The following GPR158 variants were observed in gnomAD, a reference collection of about 807,000 sequenced individuals.
The protein encoded by GPR158 is G protein-coupled receptor 158.
A neutral mutation model predicts 78.2 loss-of-function variants in GPR158; 30 were observed. That is an observed-to-expected ratio of 0.38 (90% CI 0.29 to 0.52). GPR158 has a LOEUF of 0.52. Ranked by LOEUF, GPR158 falls within the 20% of genes least tolerant of loss-of-function variation. The pLI is 0.83. For synonymous variants in GPR158, 581 were observed against 591.1 expected, an observed-to-expected ratio of 0.98 and a Z score of 0.25; for missense variants, 1,463 against 1,523.5, an observed-to-expected ratio of 0.96 and a Z score of 0.66.
chr10:25,405,497 C>CATTTTT (rs1834500267), intron 3 of GPR158, among the ~76,000 whole-genome samples: 1 of 46,180 alleles, frequency 2.2e-5, no homozygotes, highest in African/African-American at 7.6e-5. Flanking sequence ...GAAACAATTT[C>CATTTTT]CTTTTTTTTT....
At chr10:25,352,159 A>G (rs1855484293) in intron 2 of GPR158, among the ~76,000 whole-genome samples, 1 of 152,076 alleles carries the variant, frequency 6.6e-6, no homozygotes, top group African/African-American at 2.4e-5. Flanking sequence ...CCCTATGGCC[A>G]GCATTTGTGA....
intron 2 of GPR158, among the ~76,000 whole-genome samples, chr10:25,328,884 G>A (rs959294439): frequency 1.3e-4 from 16 of 126,198 alleles, no homozygotes; most frequent in Admixed American, 8.5e-4. Context: ...ATGAGATTGC[G>A]CCATTGTGCT....
At chr10:25,241,357 TTTCTC>T (rs1853621969) in intron 2 of GPR158, among the ~76,000 whole-genome samples, 1 of 126,660 alleles carries the variant, frequency 7.9e-6, no homozygotes, top group Non-Finnish European at 1.6e-5. Context: ...TCTCTTTTCT[TTTCTC>T]TTTTCTTTTC....
rs768658587 is a variant in GPR158 at position 25,176,344 on chromosome 10, G to T, written c.902+22G>T. 6.5e-7 allele frequency: 1 copy of T among 1,531,858 alleles called. No homozygotes were observed. The highest frequency in any genetic ancestry group is 8.8e-7 in the Non-Finnish European group (1 of 1,137,254). 94.9% of individuals were successfully genotyped at this position (1,531,858 alleles called of 1,614,324 possible). A position where few individuals can be genotyped will look rare whatever the true frequency, so the allele number is the denominator to read the frequency against. On this transcript the variant is annotated intron_variant, in intron 1 of 10. Coordinates refer to ENST00000376351, the MANE Select transcript of GPR158 (RefSeq NM_020752.3). This position sits in a 1 kb window ranked among gnomAD's most constrained non-coding sequence, Gnocchi z 6.3. ...TCAGGTAGGGAGGGCCGGGGGGCAG[G>T]GGGGAAGGCAAAAGCGAAGCTTTCC...
In GPR158 at chr10:25,598,760, A is replaced by G. The variant is rs994586672; in HGVS notation, c.3134A>G (p.Lys1045Arg). The change falls in exon 11 of 11, where the codon AAG becomes AGG. Residue 1045 changes from lysine (K) to arginine (R), a missense_variant. By Grantham distance (26) the Lys-to-Arg change is conservative (BLOSUM62 2). Coordinates refer to ENST00000376351, the MANE Select transcript of GPR158 (RefSeq NM_020752.3). ...GAGAAAAACCCCACTTTTTCCTTAA[A>G]GGAGAAATCTCACCACAAGCCTAAG... Reference protein sequence around the residue: ...EMEKNPTFSLKEKSHHKPKAA... With the variant: ...EMEKNPTFSLREKSHHKPKAA... 2 of 1,613,974 alleles carry G rather than the reference A, an allele frequency of 1.2e-6. No individual in the cohort carries two copies. Among genetic ancestry groups the G allele is most frequent in the African/African-American group, 2.7e-5 (2 of 74,906 alleles).
At chr10:25,339,800 G>A (rs2130504655) in intron 2 of GPR158, among the ~76,000 whole-genome samples, 1 of 152,160 alleles carries the variant, frequency 6.6e-6, no homozygotes, top group Non-Finnish European at 1.5e-5. Context: ...TTAATGTGCT[G>A]AACTATACTG....
intron 7 of GPR158, among the ~76,000 whole-genome samples, chr10:25,576,294 C>T (rs967422084): frequency 1.3e-5 from 2 of 152,194 alleles, no homozygotes; most frequent in East Asian, 1.9e-4. Context: ...TGACGATGTA[C>T]GGGATTCGGT....
intron 2 of GPR158, among the ~76,000 whole-genome samples, chr10:25,223,907 A>G (rs1588743593): frequency 6.6e-6 from 1 of 152,328 alleles, no homozygotes; most frequent in Non-Finnish European, 1.5e-5. Flanking sequence ...CAAACTTTTC[A>G]CTGTAAAAAT....
chr10:25,238,047 C>CT (rs796800468), intron 2 of GPR158, among the ~76,000 whole-genome samples: 61 of 141,212 alleles, frequency 4.3e-4, no homozygotes, highest in African/African-American at 1.7e-3. Flanking sequence ...AAATTCTTGT[C>CT]TTTCTTTTCT....
chr10:25,235,499 A>C (rs1315782226), intron 2 of GPR158, among the ~76,000 whole-genome samples: 1 of 149,024 alleles, frequency 6.7e-6, no homozygotes, highest in Non-Finnish European at 1.5e-5. Flanking sequence ...TTGCAATACT[A>C]TCTGTTTTCA....
At chr10:25,509,928 G>T (rs974418299) in intron 5 of GPR158, among the ~76,000 whole-genome samples, 1 of 152,130 alleles carries the variant, frequency 6.6e-6, no homozygotes, top group Non-Finnish European at 1.5e-5. Flanking sequence ...TGGCCAGGCT[G>T]GTCTTGAACT....
chr10:25,222,139 C>T (rs1853307218), intron 2 of GPR158, among the ~76,000 whole-genome samples: 1 of 152,028 alleles, frequency 6.6e-6, no homozygotes, highest in South Asian at 2.1e-4. Context: ...TGTATATACG[C>T]CCATTGAGTG....
chr10:25,328,264 A>G (rs1251724482), intron 2 of GPR158, among the ~76,000 whole-genome samples: 1 of 152,236 alleles, frequency 6.6e-6, no homozygotes, highest in East Asian at 1.9e-4. Flanking sequence ...CTGTGGCAAC[A>G]ATAGAACTGT....
chr10:25,549,254 T>G lies in GPR158; in HGVS notation c.1405-1722T>G, dbSNP rs192678397. ...CACATACCTCAATCTTCTGTCAAGG[T>G]TTCTCCATTTGTCTTCCCCCTCCTA... On this transcript the variant is annotated intron_variant, in intron 5 of 10. Coordinates refer to ENST00000376351, the MANE Select transcript of GPR158 (RefSeq NM_020752.3). Among the ~76,000 whole-genome samples the G allele has an allele frequency of 1.6e-3, 250 of 152,264 alleles. 1 individual carries two copies. Among genetic ancestry groups the G allele is most frequent in the African/African-American group, 5.8e-3 (243 of 41,562 alleles).
intron 6 of GPR158, among the ~76,000 whole-genome samples, chr10:25,569,697 A>T (rs1480775063): frequency 6.6e-6 from 1 of 151,886 alleles, no homozygotes; most frequent in Non-Finnish European, 1.5e-5. Context: ...TATCTTTTCC[A>T]CTTTCCTTCA....
chr10:25,585,705 G>A (rs1464909299), intron 7 of GPR158, among the ~76,000 whole-genome samples: 3 of 152,214 alleles, frequency 2.0e-5, no homozygotes, highest in Non-Finnish European at 4.4e-5. Context: ...CGGGCCAGGA[G>A]TGGTGGCTCA....
At chr10:25,556,711 A>G (rs988149965) in intron 6 of GPR158, among the ~76,000 whole-genome samples, 3 of 152,224 alleles carry the variant, frequency 2.0e-5, no homozygotes, top group African/African-American at 7.2e-5. Context: ...AAAGCCAAGG[A>G]AAGTCTGCTA....
At chr10:25,449,497 C>T (rs752339397) in intron 4 of GPR158, among the ~76,000 whole-genome samples, 9 of 152,126 alleles carry the variant, frequency 5.9e-5, no homozygotes, top group East Asian at 1.9e-4. Flanking sequence ...CATGAAGTAC[C>T]GTGTGCAGTG....
chr10:25,542,823 C>CA (rs5783943), intron 5 of GPR158, among the ~76,000 whole-genome samples: 1,060 of 94,298 alleles, frequency 0.011, 34 homozygotes, highest in African/African-American at 0.025. Context: ...AACTCCATCT[C>CA]AAAAAAAAAA....
Sources: allele counts gnomAD v4.1 joint callset (sites outside exome capture counted in the v4.1 genomes callset), GRCh38; gene constraint gnomAD v4.1.1; non-coding constraint Gnocchi (gnomAD v3.1); transcripts MANE v1.5; gene names NCBI Gene and HGNC (gene_info 2026-07-23, HGNC 2026-07-21).